GALNTL6: variants seen among roughly 807,000 people sequenced by gnomAD.
GALNTL6 encodes polypeptide N-acetylgalactosaminyltransferase like 6, also known as polypeptide N-acetylgalactosaminyltransferase-like 6.
GALNTL6 carries 46 observed loss-of-function variants against 73.7 expected under a neutral mutation model. That is an observed-to-expected ratio of 0.62 (90% CI 0.49 to 0.80). The LOEUF is 0.80. GALNTL6 is among the 30% of genes least tolerant of loss of function. The pLI is 0.00. For synonymous variants in GALNTL6, 259 were observed against 263.7 expected, an observed-to-expected ratio of 0.98 and a Z score of 0.17; for missense variants, 604 against 755.0, an observed-to-expected ratio of 0.80 and a Z score of 2.34.
intron 2 of GALNTL6, among the ~76,000 whole-genome samples, chr4:171,940,384 AC>A (rs986590506): frequency 1.6e-4 from 25 of 152,158 alleles, no homozygotes; most frequent in Non-Finnish European, 2.9e-4. Flanking sequence ...AGCTCACATT[AC>A]CATAATACAT....
chr4:172,907,124 A>C (rs781463454), intron 8 of GALNTL6, among the ~76,000 whole-genome samples: 8 of 152,048 alleles, frequency 5.3e-5, no homozygotes, highest in Non-Finnish European at 8.8e-5. Context: ...AATCATTAAC[A>C]ATCTATTTTC....
chr4:171,988,882 G>A (rs924897361), intron 2 of GALNTL6, among the ~76,000 whole-genome samples: 9 of 152,056 alleles, frequency 5.9e-5, no homozygotes, highest in Non-Finnish European at 1.3e-4. Context: ...GGCTTAAGGT[G>A]GGGAGACACA....
intron 2 of GALNTL6, among the ~76,000 whole-genome samples, chr4:171,850,207 A>C (rs1735482805): frequency 6.6e-6 from 1 of 152,174 alleles, no homozygotes; most frequent in Non-Finnish European, 1.5e-5. Context: ...CCTGACCTCA[A>C]GTGATCTGCC....
intron 3 of GALNTL6, among the ~76,000 whole-genome samples, chr4:172,310,665 A>G (rs1050154369): frequency 6.6e-6 from 1 of 152,172 alleles, no homozygotes; most frequent in Non-Finnish European, 1.5e-5. Flanking sequence ...CATATTCCAG[A>G]TGTTTCAAAA....
Position 172,206,858 on chromosome 4 carries a change from C to G in GALNTL6, c.139-22798C>G, listed in dbSNP as rs191597430. Among the ~76,000 whole-genome samples, 985 of 119,226 alleles carry G rather than the reference C, an allele frequency of 8.3e-3. 11 individuals carry two copies. Among genetic ancestry groups the G allele is most frequent in the African/African-American group, 0.03 (934 of 31,194 alleles). The allele number at this position is 119,226 out of a possible 152,430, so 78.2% of individuals were successfully genotyped here. On this transcript the variant is annotated intron_variant, in intron 2 of 12. Coordinates refer to ENST00000506823, the MANE Select transcript of GALNTL6 (RefSeq NM_001034845.3). ...TTTGAGACGGAGTCTCACTCTGTCG[C>G]CCAGGCTGGAGTGCAGTGGTGTGAT...
intron 2 of GALNTL6, among the ~76,000 whole-genome samples, chr4:171,816,732 T>G (rs1734535894): frequency 6.6e-6 from 1 of 152,032 alleles, no homozygotes; most frequent in South Asian, 2.1e-4. Context: ...GATTACTTAA[T>G]GAAAAATATA....
intron 2 of GALNTL6, among the ~76,000 whole-genome samples, chr4:172,015,610 A>G (rs1364553507): frequency 6.6e-6 from 1 of 151,772 alleles, no homozygotes; most frequent in Non-Finnish European, 1.5e-5. Context: ...TAAATACCTT[A>G]TATTTTGTTA....
intron 5 of GALNTL6, among the ~76,000 whole-genome samples, chr4:172,747,558 T>C (rs1737178094): frequency 6.6e-6 from 1 of 152,130 alleles, no homozygotes; most frequent in Non-Finnish European, 1.5e-5. Context: ...ACTTTTACAC[T>C]GTTGATGGTA....
intron 5 of GALNTL6, among the ~76,000 whole-genome samples, chr4:172,435,623 A>C (rs1425683059): frequency 1.3e-5 from 2 of 152,156 alleles, no homozygotes; most frequent in Admixed American, 6.6e-5. Context: ...TCTTCGAGGA[A>C]AAGATTTTTT....
At chr4:172,662,515 G>C (rs937593875) in intron 5 of GALNTL6, among the ~76,000 whole-genome samples, 1 of 152,292 alleles carries the variant, frequency 6.6e-6, no homozygotes, top group East Asian at 1.9e-4. Flanking sequence ...CTCAGTCAAC[G>C]GGAAACCTGG....
chr4:172,718,288 T>C (rs1248285809), intron 5 of GALNTL6, among the ~76,000 whole-genome samples: 1 of 152,182 alleles, frequency 6.6e-6, no homozygotes, highest in Non-Finnish European at 1.5e-5. Flanking sequence ...CATATCATAA[T>C]TTCAAAATGA....
At chr4:171,974,258 T>C (rs1421738812) in intron 2 of GALNTL6, among the ~76,000 whole-genome samples, 1 of 152,184 alleles carries the variant, frequency 6.6e-6, no homozygotes, top group Non-Finnish European at 1.5e-5. Flanking sequence ...TAGTTTACAA[T>C]TTCTCAGTAG....
At chr4:172,009,565 G>C (rs1277923534) in intron 2 of GALNTL6, among the ~76,000 whole-genome samples, 6 of 152,072 alleles carry the variant, frequency 3.9e-5, no homozygotes, top group Non-Finnish European at 8.8e-5. Flanking sequence ...TTCTCAAAGG[G>C]AGTACAAAGA....
intron 3 of GALNTL6, among the ~76,000 whole-genome samples, chr4:172,244,712 C>T (rs1737562186): frequency 6.6e-6 from 1 of 152,060 alleles, no homozygotes; most frequent in South Asian, 2.1e-4. Flanking sequence ...TTTTCTCATG[C>T]CATCAAATCT....
In GALNTL6 at chr4:172,069,954, A is replaced by G. The variant is rs1459935262; in HGVS notation, c.139-159702A>G. 1.9e-5 allele frequency among the ~76,000 whole-genome samples: 2 copies of G among 108,094 alleles called. 1 individual carries two copies. Among genetic ancestry groups the G allele is most frequent in the Non-Finnish European group, 4.1e-5 (2 of 49,056 alleles). The allele number at this position is 108,094 out of a possible 152,430, so 70.9% of individuals were successfully genotyped here. A position where few individuals can be genotyped will look rare whatever the true frequency, so the allele number is the denominator to read the frequency against. ...CCTTATGAAGAAAATCAGCTGGGTA[A>G]GAAGGTAATAGAAAAAGGGTGAACA... On this transcript the variant is annotated intron_variant, in intron 2 of 12. Coordinates refer to ENST00000506823, the MANE Select transcript of GALNTL6 (RefSeq NM_001034845.3).
chr4:172,938,764 G>C lies in GALNTL6; in HGVS notation c.1149+7496G>C, dbSNP rs147561458. On this transcript the variant is annotated intron_variant, in intron 9 of 12. Coordinates refer to ENST00000506823, the MANE Select transcript of GALNTL6 (RefSeq NM_001034845.3). ...AACCATCACTGAGTTCAGGGGCATG[G>C]TGGCCTATCATGGGTTTTCTCCCAA... Among the ~76,000 whole-genome samples the C allele has an allele frequency of 9.2e-5, 14 of 152,290 alleles. No homozygotes were observed. The East Asian group carries it at 2.7e-3, about 29-fold the overall frequency.
chr4:172,864,142 G>A (rs181928230), intron 7 of GALNTL6, among the ~76,000 whole-genome samples: 9 of 152,208 alleles, frequency 5.9e-5, no homozygotes, highest in East Asian at 3.9e-4. Context: ...ACCTCTTTCC[G>A]TTATAAATTA....
At chr4:172,033,591 A>G (rs1010840071) in intron 2 of GALNTL6, among the ~76,000 whole-genome samples, 1 of 152,082 alleles carries the variant, frequency 6.6e-6, no homozygotes, top group African/African-American at 2.4e-5. Flanking sequence ...TAGTTTTTCT[A>G]TGGTCCATGA....
At chr4:171,967,506 T>C (rs1303293139) in intron 2 of GALNTL6, among the ~76,000 whole-genome samples, 1 of 150,680 alleles carries the variant, frequency 6.6e-6, no homozygotes, top group African/African-American at 2.4e-5. Flanking sequence ...TCAGAGAAAA[T>C]ATATTGAAAA....
Sources: allele counts gnomAD v4.1 joint callset (sites outside exome capture counted in the v4.1 genomes callset), GRCh38; gene constraint gnomAD v4.1.1; transcripts MANE v1.5; gene names NCBI Gene and HGNC (gene_info 2026-07-23, HGNC 2026-07-21).